Variants in AGAP1 observed in about 807,000 individuals in gnomAD.
The protein encoded by AGAP1 is ArfGAP with GTPase domain, ankyrin repeat and PH domain 1.
In AGAP1, 29 loss-of-function variants were observed where a neutral mutation model predicts 105.3. The observed-to-expected ratio is 0.28, with a 90% confidence interval of 0.21 to 0.38. The LOEUF is 0.38. Ranked by LOEUF, AGAP1 falls within the 10% of genes least tolerant of loss-of-function variation. The pLI is 1.00. For missense variants in AGAP1, 998 were observed against 1,165.1 expected, an observed-to-expected ratio of 0.86 and a Z score of 2.09; for synonymous variants, 509 against 485.9, an observed-to-expected ratio of 1.05 and a Z score of -0.63.
intron 1 of AGAP1, among the ~76,000 whole-genome samples, chr2:235,669,210 T>G (rs1434527195): frequency 6.6e-6 from 1 of 152,184 alleles, no homozygotes; most frequent in East Asian, 1.9e-4. Context: ...TCTTTGTTCT[T>G]GTCTTCCTGG....
rs1559350804 is a variant in AGAP1, at chr2:235,686,640, TA to T, written c.164-22538del. 5.4e-3 allele frequency among the ~76,000 whole-genome samples: 265 copies of T among 48,660 alleles called. 14 individuals carry two copies. The highest frequency in any genetic ancestry group is 0.025 in the African/African-American group (241 of 9,596). The allele number at this position is 48,660 out of a possible 152,430, so 31.9% of individuals were successfully genotyped here. On this transcript the variant is annotated intron_variant, in intron 1 of 17. Coordinates refer to ENST00000304032, the MANE Select transcript of AGAP1 (RefSeq NM_001037131.3). ...ATATAGATATATATATATATATATA[TA>T]TATAGATATATATATATATATATAT...
rs367564966 is a variant in AGAP1 at position 235,717,510 on chromosome 2, A to C, written c.223-47A>C. ...GCCTCTTAGTATTTGCAAAATGCCA[A>C]ATAGAGTGATTTGATGATGCTTAAC... is the stretch of plus-strand genomic sequence containing the variant. On this transcript the variant is annotated intron_variant, in intron 2 of 17. Transcript: ENST00000304032. 1.1e-5 allele frequency: 17 copies of C among 1,522,672 alleles called. No homozygotes were observed. In the African/African-American group the frequency reaches 2.2e-4, roughly 20 times the overall value. The allele number at this position is 1,522,672 out of a possible 1,614,324, so 94.3% of individuals were successfully genotyped here. A position where few individuals can be genotyped will look rare whatever the true frequency, so the allele number is the denominator to read the frequency against.
intron 6 of AGAP1, chr2:235,775,541 A>G (rs1304409336): frequency 6.6e-6 from 1 of 152,194 alleles, no homozygotes; most frequent in East Asian, 1.9e-4. Context: ...TGTTATTGTC[A>G]GCCTAGATTT....
chr2:235,945,131 C>T (rs933220126), intron 12 of AGAP1, among the ~76,000 whole-genome samples: 1 of 152,156 alleles, frequency 6.6e-6, no homozygotes, highest in African/African-American at 2.4e-5. Flanking sequence ...GACGGAGTCT[C>T]GCTCTTTTGC....
Position 235,981,020 on chromosome 2 carries a change from C to G in AGAP1, c.1645+12397C>G, listed in dbSNP as rs780686938. Among the ~76,000 whole-genome samples, 137 of 152,230 alleles carry G rather than the reference C, an allele frequency of 9.0e-4. 3 individuals carry two copies. The highest frequency in any genetic ancestry group is 7.2e-4 in the Non-Finnish European group (49 of 68,010). On this transcript the variant is annotated intron_variant, in intron 13 of 17. Transcript: ENST00000304032. This position sits in a 1 kb window ranked among gnomAD's most constrained non-coding sequence, Gnocchi z 5.5. ...GCTCTTAATTCTGATTCTTGTCTTA[C>G]GGATTGTCTTAGAATGATTAGGAAA...
chr2:235,804,144 C>T (rs1167361346), intron 8 of AGAP1, among the ~76,000 whole-genome samples: 1 of 152,240 alleles, frequency 6.6e-6, no homozygotes, highest in East Asian at 1.9e-4. Flanking sequence ...ACACGTTTCT[C>T]CTGCCTGTCT....
chr2:235,565,422 T>G (rs1944317449), intron 1 of AGAP1, among the ~76,000 whole-genome samples: 1 of 152,236 alleles, frequency 6.6e-6, no homozygotes, highest in African/African-American at 2.4e-5. Context: ...CAAGTTCATC[T>G]TAGGGTTCTC....
At chr2:235,573,116 T>G (rs1327916590) in intron 1 of AGAP1, among the ~76,000 whole-genome samples, 1 of 146,208 alleles carries the variant, frequency 6.8e-6, no homozygotes, top group Non-Finnish European at 1.5e-5. Flanking sequence ...TTTTTTTTTT[T>G]TTTAAAGATA....
chr2:236,084,713 G>A (rs558928169), intron 16 of AGAP1, among the ~76,000 whole-genome samples: 15 of 151,834 alleles, frequency 9.9e-5, no homozygotes, highest in Admixed American at 2.0e-4. Context: ...AACCAGCCTG[G>A]CCAACATGGT....
At chr2:235,561,718 A>G (rs1171648933) in intron 1 of AGAP1, among the ~76,000 whole-genome samples, 4 of 152,198 alleles carry the variant, frequency 2.6e-5, no homozygotes, top group Non-Finnish European at 5.9e-5. Context: ...GGCCCATTAC[A>G]TACCTTTTGT....
chr2:236,000,198 T>C lies in AGAP1; in HGVS notation c.1645+31575T>C, dbSNP rs2056056185. On this transcript the variant is annotated intron_variant, in intron 13 of 17. Coordinates refer to ENST00000304032, the MANE Select transcript of AGAP1 (RefSeq NM_001037131.3). The surrounding 1 kb of genome is among the most constrained non-coding windows in gnomAD (Gnocchi z 4.3). ...GTTATTTTTGTCTTTCCAATTACAC[T>C]AACTCCTCACTCAATGTCATTCATC... is the stretch of plus-strand genomic sequence containing the variant. Among the ~76,000 whole-genome samples, 1 of 152,196 alleles carries C rather than the reference T, an allele frequency of 6.6e-6. No individual in the cohort carries two copies. Among genetic ancestry groups the C allele is most frequent in the East Asian group, 1.9e-4 (1 of 5,188 alleles).
chr2:236,119,777 TC>T lies in AGAP1; in HGVS notation c.2115-413del, dbSNP rs1235465893. Among the ~76,000 whole-genome samples the T allele has an allele frequency of 6.6e-6, 1 of 152,104 alleles. No individual in the cohort carries two copies. Among genetic ancestry groups the T allele is most frequent in the East Asian group, 1.9e-4 (1 of 5,184 alleles). On this transcript the variant is annotated intron_variant, in intron 16 of 17. Transcript: ENST00000304032. This position sits in a 1 kb window ranked among gnomAD's most constrained non-coding sequence, Gnocchi z 6.6. ...TGCATCGGTGTGTGAGAGCCACTGA[TC>T]CAAGGCCATGGCCTTGAGCCCTCAC...
intron 12 of AGAP1, among the ~76,000 whole-genome samples, chr2:235,950,185 G>C (rs937663293): frequency 1.3e-5 from 2 of 152,128 alleles, no homozygotes; most frequent in Non-Finnish European, 2.9e-5. Flanking sequence ...AGTGATCCTG[G>C]ACAAATTTGG....
intron 5 of AGAP1, among the ~76,000 whole-genome samples, chr2:235,745,637 T>C (rs1952868799): frequency 6.6e-6 from 1 of 152,256 alleles, no homozygotes; most frequent in Non-Finnish European, 1.5e-5. Flanking sequence ...TGGCTATGAA[T>C]AGACTGTTTT....
intron 9 of AGAP1, among the ~76,000 whole-genome samples, chr2:235,852,163 G>A (rs527982520): frequency 2.6e-5 from 4 of 152,128 alleles, no homozygotes; most frequent in African/African-American, 9.7e-5. Context: ...TTTTTCCCCC[G>A]TTTCTGATTG....
intron 8 of AGAP1, among the ~76,000 whole-genome samples, chr2:235,806,883 GC>G (rs1957861933): frequency 6.6e-6 from 1 of 152,196 alleles, no homozygotes; most frequent in South Asian, 2.1e-4. Flanking sequence ...ACATTGAGCA[GC>G]CCCTTTTTTC....
chr2:235,569,887 G>T lies in AGAP1; in HGVS notation c.163+75038G>T, dbSNP rs1944462240. On this transcript the variant is annotated intron_variant, in intron 1 of 17. Coordinates refer to ENST00000304032, the MANE Select transcript of AGAP1 (RefSeq NM_001037131.3). The surrounding 1 kb of genome is among the most constrained non-coding windows in gnomAD (Gnocchi z 5.9). ...GATTGCTGGTCTCTTTACTTGTTTA[G>T]TGAAAACAGCAAAAATTTAGAATGT... Among the ~76,000 whole-genome samples, 1 of 152,162 alleles carries T rather than the reference G, an allele frequency of 6.6e-6. No individual in the cohort carries two copies. Among genetic ancestry groups the T allele is most frequent in the African/African-American group, 2.4e-5 (1 of 41,432 alleles).
intron 16 of AGAP1, among the ~76,000 whole-genome samples, chr2:236,102,075 ATTTC>A (rs2059360489): frequency 6.6e-6 from 1 of 151,406 alleles, no homozygotes; most frequent in Non-Finnish European, 1.5e-5. Context: ...TGAGGCCAGG[ATTTC>A]GTGACTAGCC....
Position 235,934,973 on chromosome 2 carries a change from G to T in AGAP1, c.1483+4050G>T, listed in dbSNP as rs1243660826. On this transcript the variant is annotated intron_variant, in intron 12 of 17. Coordinates refer to ENST00000304032, the MANE Select transcript of AGAP1 (RefSeq NM_001037131.3). The surrounding 1 kb of genome is among the most constrained non-coding windows in gnomAD (Gnocchi z 4.9). ...TCTCTAGACACACCGGTCCCCCCGGGGTTTCTTCCTTTAAAGCAGCTGTGA... is the reference window on the plus strand; with the variant it reads ...TCTCTAGACACACCGGTCCCCCCGGTGTTTCTTCCTTTAAAGCAGCTGTGA... 6.6e-6 allele frequency among the ~76,000 whole-genome samples: 1 copy of T among 152,078 alleles called. No homozygotes were observed. Among genetic ancestry groups the T allele is most frequent in the Non-Finnish European group, 1.5e-5 (1 of 68,028 alleles).
Sources: allele counts gnomAD v4.1 joint callset (sites outside exome capture counted in the v4.1 genomes callset), GRCh38; gene constraint gnomAD v4.1.1; non-coding constraint Gnocchi (gnomAD v3.1); transcripts MANE v1.5; gene names NCBI Gene and HGNC (gene_info 2026-07-23, HGNC 2026-07-21).